Variants in GATB observed in about 807,000 individuals in gnomAD.
The protein encoded by GATB is glutamyl-tRNA(Gln) amidotransferase subunit B, mitochondrial.
A neutral mutation model predicts 62.3 loss-of-function variants in GATB; 39 were observed. The ratio of observed to expected loss-of-function variants is 0.63; its 90% CI spans 0.48 to 0.82. The LOEUF (loss-of-function observed/expected upper bound fraction) is 0.82, where lower values mean the gene tolerates loss of function less well. Ranked by LOEUF, GATB falls within the 40% of genes least tolerant of loss-of-function variation. The pLI, the probability that GATB is intolerant of heterozygous loss-of-function variation, is 0.00. For synonymous variants in GATB, 276 were observed against 258.9 expected (o/e 1.07, Z -0.63); for missense variants, 670 against 684.0 (o/e 0.98, Z 0.23).
intron 2 of GATB, among the ~76,000 whole-genome samples, chr4:151,746,412 G>A (rs1328011891): frequency 2.0e-5 from 3 of 152,170 alleles, no homozygotes; most frequent in Non-Finnish European, 4.4e-5. Context: ...AAATTGGAAT[G>A]GTATTGTTAA....
intron 2 of GATB, among the ~76,000 whole-genome samples, chr4:151,724,977 A>G (rs1160827117): frequency 6.6e-6 from 1 of 152,278 alleles, no homozygotes; most frequent in Non-Finnish European, 1.5e-5. Context: ...TGTATGAATC[A>G]GGAAAAGGAA....
chr4:151,710,312 G>A (rs550801027), intron 5 of GATB, among the ~76,000 whole-genome samples: 34 of 152,240 alleles, frequency 2.2e-4, no homozygotes, highest in African/African-American at 8.2e-4. Context: ...TCCATCTGAC[G>A]TATACATATG....
At chr4:151,672,455 C>T (rs1390289505) in intron 12 of GATB, among the ~76,000 whole-genome samples, 2 of 152,130 alleles carry the variant, frequency 1.3e-5, no homozygotes, top group East Asian at 1.9e-4. Context: ...TGGGAGAGGG[C>T]GACACACCTG....
chr4:151,753,709 A>C (rs1338010233), intron 2 of GATB, among the ~76,000 whole-genome samples: 1 of 152,180 alleles, frequency 6.6e-6, no homozygotes, highest in East Asian at 1.9e-4. Context: ...TTAACATGAG[A>C]TCTATCCTCT....
intron 5 of GATB, among the ~76,000 whole-genome samples, chr4:151,715,742 CA>C (rs1172727670): frequency 6.6e-6 from 1 of 152,106 alleles, no homozygotes; most frequent in African/African-American, 2.4e-5. Flanking sequence ...TGTTCAAAGC[CA>C]TTATTTCATT....
At position 151,730,918 on chromosome 4, in the gene GATB, C is replaced by T. The variant is rs557151574; in HGVS notation, c.328-11380G>A. On this transcript the variant is annotated intron_variant, in intron 2 of 12. Coordinates refer to ENST00000263985, the MANE Select transcript of GATB (RefSeq NM_004564.3). The surrounding 1 kb of genome is among the most constrained non-coding windows in gnomAD (Gnocchi z 4.1). ...TAGTTTACCAGCAATGAATCCAAAT[C>T]AAGAAGAAATCCCTGATTTACCTGA... 2.0e-5 allele frequency among the ~76,000 whole-genome samples: 3 copies of T among 152,264 alleles called. No homozygotes were observed. In the East Asian group the frequency reaches 5.8e-4, roughly 29 times the overall value.
In GATB at chr4:151,750,148, T is replaced by A. The variant is rs542322855; in HGVS notation, c.327+8624A>T. On this transcript the variant is annotated intron_variant, in intron 2 of 12. Coordinates refer to ENST00000263985, the MANE Select transcript of GATB (RefSeq NM_004564.3). The stretch of plus-strand genomic sequence containing the variant: ...CGCCCACCTCGGTCTCCCAAAGTGC[T>A]GGGATTATAGGCGTGAGCCACCACG... Among the ~76,000 whole-genome samples, 15 of 152,346 alleles carry A rather than the reference T, an allele frequency of 9.8e-5. No individual in the cohort carries two copies. In the East Asian group the frequency reaches 2.9e-3, roughly 29 times the overall value.
At chr4:151,747,021 C>G (rs1321607917) in intron 2 of GATB, among the ~76,000 whole-genome samples, 1 of 152,154 alleles carries the variant, frequency 6.6e-6, no homozygotes, top group South Asian at 2.1e-4. Flanking sequence ...ATTTTCTACT[C>G]ACTTTCTAAC....
chr4:151,697,949 G>GTA (rs781688717), intron 9 of GATB, among the ~76,000 whole-genome samples: 15 of 96,964 alleles, frequency 1.5e-4, no homozygotes, highest in African/African-American at 8.5e-4. Context: ...GTGTGTGTGT[G>GTA]TGTGTATATA....
intron 9 of GATB, chr4:151,691,655 C>CACCTTCAG (rs1182458487): frequency 6.6e-6 from 1 of 152,296 alleles, no homozygotes; most frequent in Non-Finnish European, 1.5e-5. Context: ...TTCTGCATCC[C>CACCTTCAG]ACCTTCAGAG....
chr4:151,670,875 T>C lies in GATB; in HGVS notation c.*299A>G. 3.4e-6 allele frequency: 1 copy of C among 294,868 alleles called. No individual in the cohort carries two copies. The highest frequency in any genetic ancestry group is 6.3e-6 in the Non-Finnish European group (1 of 157,898). 18.3% of individuals were successfully genotyped at this position (294,868 alleles called of 1,614,324 possible). A position where few individuals can be genotyped will look rare whatever the true frequency, so the allele number is the denominator to read the frequency against. ...AACAGTATCTCCAACATACATTTTA[T>C]TTAGTTTAAAATTCCTTAATACAAG... On this transcript the variant is annotated 3_prime_UTR_variant, in exon 13 of 13. Transcript: ENST00000263985.
rs1739735899 is a variant in GATB at position 151,752,256 on chromosome 4, T to C, written c.327+6516A>G. On this transcript the variant is annotated intron_variant, in intron 2 of 12. Transcript: ENST00000263985. ...ACCTTAACTTTATTCTCAGTGTTAT[T>C]AAGTTTCTTGACATGCCTTCATGTT... 3.9e-5 allele frequency among the ~76,000 whole-genome samples: 6 copies of C among 152,332 alleles called. No homozygotes were observed. In the South Asian group the frequency reaches 1.2e-3, roughly 32 times the overall value.
chr4:151,699,620 G>C (rs907143409), intron 9 of GATB, among the ~76,000 whole-genome samples: 1 of 152,082 alleles, frequency 6.6e-6, no homozygotes, highest in South Asian at 2.1e-4. Flanking sequence ...GGTAAGGCAG[G>C]CACTGTCCCC....
intron 2 of GATB, among the ~76,000 whole-genome samples, chr4:151,731,988 G>A (rs1433196795): frequency 1.2e-4 from 17 of 137,202 alleles, no homozygotes; most frequent in East Asian, 8.8e-4. Flanking sequence ...CCGGCCAGCC[G>A]CCCCGTCCGG....
At chr4:151,672,205 T>C (rs1382258765) in intron 12 of GATB, among the ~76,000 whole-genome samples, 1 of 152,234 alleles carries the variant, frequency 6.6e-6, no homozygotes, top group African/African-American at 2.4e-5. Flanking sequence ...CCACTCGTTT[T>C]AGCTTTTATG....
intron 5 of GATB, among the ~76,000 whole-genome samples, chr4:151,715,221 A>G (rs917259130): frequency 6.6e-6 from 1 of 152,232 alleles, no homozygotes; most frequent in African/African-American, 2.4e-5. Flanking sequence ...TTCAGAACCT[A>G]TATTTTGTCT....
At chr4:151,757,822 T>C (rs6535821) in intron 2 of GATB, among the ~76,000 whole-genome samples, 89,653 of 151,948 alleles carry the variant, frequency 0.59, 29,007 homozygotes, top group African/African-American at 0.88. Context: ...GCATGGAATT[T>C]ACCCATGACA....
intron 2 of GATB, among the ~76,000 whole-genome samples, chr4:151,742,383 C>T (rs1440234752): frequency 6.6e-6 from 1 of 152,174 alleles, no homozygotes; most frequent in Admixed American, 6.5e-5. Flanking sequence ...CCACCGCACC[C>T]GGCTGGGAGG....
rs1267836390 is a variant in GATB, at chr4:151,735,104, C to CT, written c.328-15567dup. ...GCTGGGACCTAATTAAACTAAAGAG[C>CT]TTTTGCACAGCAAAAGAACAGTCAG... On this transcript the variant is annotated intron_variant, in intron 2 of 12. Coordinates refer to ENST00000263985, the MANE Select transcript of GATB (RefSeq NM_004564.3). 1.4e-4 allele frequency among the ~76,000 whole-genome samples: 21 copies of CT among 152,132 alleles called. No homozygotes were observed. In the East Asian group the frequency reaches 3.5e-3, roughly 25 times the overall value.
Sources: gnomAD v4.1 joint callset for allele counts (sites outside exome capture counted in the v4.1 genomes callset) on GRCh38, gnomAD v4.1.1 for gene constraint, Gnocchi (gnomAD v3.1) non-coding constraint, MANE v1.5 for transcripts, NCBI Gene and HGNC (gene_info 2026-07-23, HGNC 2026-07-21) for gene names.